The following LIX1 variants were observed in gnomAD, a reference collection of about 807,000 sequenced individuals.
LIX1 encodes the protein protein limb expression 1 homolog.
A neutral mutation model predicts 33.4 loss-of-function variants in LIX1; 24 were observed. The ratio of observed to expected loss-of-function variants is 0.72; its 90% CI spans 0.52 to 1.01. The LOEUF (loss-of-function observed/expected upper bound fraction) is 1.01. Ranked by LOEUF, LIX1 falls within the 50% of genes least tolerant of loss-of-function variation. The pLI, the probability that LIX1 is intolerant of heterozygous loss-of-function variation, is 0.00. For missense variants in LIX1, 311 were observed against 339.2 expected (o/e 0.92, Z 0.65); for synonymous variants, 124 against 124.0 (o/e 1.00, Z 0.00).
intron 2 of LIX1, among the ~76,000 whole-genome samples, chr5:97,124,010 T>C (rs936413015): frequency 1.3e-5 from 2 of 152,202 alleles, no homozygotes; most frequent in Non-Finnish European, 2.9e-5. Flanking sequence ...CAGATACACC[T>C]GGTAACAGGA....
At chr5:97,106,384 T>C (rs977680518) in intron 3 of LIX1, among the ~76,000 whole-genome samples, 5 of 152,204 alleles carry the variant, frequency 3.3e-5, no homozygotes, top group African/African-American at 1.2e-4. Context: ...ATCTCTCCTT[T>C]ATGTGATAAG....
intron 4 of LIX1, among the ~76,000 whole-genome samples, chr5:97,102,790 C>CA (rs1746783423): frequency 6.6e-6 from 1 of 151,020 alleles, no homozygotes; most frequent in Non-Finnish European, 1.5e-5. Context: ...CAATCACATT[C>CA]AAAATCATTC....
At chr5:97,107,233 C>T in intron 3 of LIX1, 127 bp downstream of exon 3, 1 of 896,398 alleles carries the variant, frequency 1.1e-6, no homozygotes, top group East Asian at 2.5e-5. Context: ...ATTAACAATT[C>T]AGTGGGTAAA....
intron 2 of LIX1, among the ~76,000 whole-genome samples, chr5:97,108,454 T>C (rs1017450890): frequency 5.4e-5 from 8 of 148,886 alleles, no homozygotes; most frequent in African/African-American, 7.8e-5. Flanking sequence ...GATTCTTTTC[T>C]GTCCTCCCTG....
Position 97,124,512 on chromosome 5 carries a change from A to G in LIX1, c.200T>C (p.Val67Ala). The change falls in exon 2 of 6, where the codon GTG becomes GCG. Residue 67 changes from valine to alanine, a missense_variant. By Grantham distance (64) the Val-to-Ala change is moderately conservative. Coordinates refer to ENST00000274382, the MANE Select transcript of LIX1 (RefSeq NM_153234.5). Reference sequence around the variant, plus strand: ...TCCCCCTGGGAGGGTCACGTAACTCACAAAGGGAGGCCCAGGAGCTGGCAG... The same window carrying G: ...TCCCCCTGGGAGGGTCACGTAACTCGCAAAGGGAGGCCCAGGAGCTGGCAG... ...ESLPAPGPPF[V>A]SYVTLPGGSC... is the part of the protein sequence containing the mutation. 6.2e-7 allele frequency: 1 copy of G among 1,608,814 alleles called. No homozygotes were observed. The highest frequency in any genetic ancestry group is 2.2e-5 in the East Asian group (1 of 44,652).
At chr5:97,116,570 C>T (rs1211573503) in intron 2 of LIX1, among the ~76,000 whole-genome samples, 1 of 152,146 alleles carries the variant, frequency 6.6e-6, no homozygotes, top group African/African-American at 2.4e-5. Context: ...GCCTTCTCCT[C>T]GTTTACCTCT....
At chr5:97,141,127 A>AT (rs11294778) in intron 1 of LIX1, among the ~76,000 whole-genome samples, 44 of 149,574 alleles carry the variant, frequency 2.9e-4, no homozygotes, top group South Asian at 1.9e-3. Context: ...CGTCCCCCCT[A>AT]TTTTTTTTTT....
chr5:97,116,232 G>C (rs1747632614), intron 2 of LIX1, among the ~76,000 whole-genome samples: 1 of 152,168 alleles, frequency 6.6e-6, no homozygotes, highest in Non-Finnish European at 1.5e-5. Context: ...ACCGAAGCAT[G>C]AACATTTGCA....
rs1580205756 is a variant in LIX1, at chr5:97,101,612, T to C, written c.483+3578A>G. 1.3e-5 allele frequency: 2 copies of C among 152,344 alleles called. 1 individual carries two copies. The highest frequency in any genetic ancestry group is 1.3e-4 in the Admixed American group (2 of 15,308). 9.4% of individuals were successfully genotyped at this position (152,344 alleles called of 1,614,324 possible). ...TCACTCTACAGCTTTCCTGGTTTAT[T>C]TTGTCATTCATTTCATGTAAACAGA... On this transcript the variant is annotated intron_variant, in intron 4 of 5. Transcript: ENST00000274382.
At chr5:97,113,437 A>G (rs560790020) in intron 2 of LIX1, among the ~76,000 whole-genome samples, 5 of 152,242 alleles carry the variant, frequency 3.3e-5, no homozygotes, top group African/African-American at 7.2e-5. Flanking sequence ...AGAAGTCTCA[A>G]TGAAATAATC....
chr5:97,112,772 C>A (rs974012238), intron 2 of LIX1, among the ~76,000 whole-genome samples: 6 of 148,358 alleles, frequency 4.0e-5, no homozygotes, highest in African/African-American at 1.5e-4. Context: ...ATTTCAAAGC[C>A]TCCTGGCTCT....
chr5:97,116,583 C>T lies in LIX1; in HGVS notation c.246+7883G>A, dbSNP rs565410709. On this transcript the variant is annotated intron_variant, in intron 2 of 5. Coordinates refer to ENST00000274382, the MANE Select transcript of LIX1 (RefSeq NM_153234.5). ...TGGCCTTCTCCTCGTTTACCTCTGC[C>T]GCAATGCTATTCTACACACATACCT... is the stretch of plus-strand genomic sequence containing the variant. Among the ~76,000 whole-genome samples the T allele has an allele frequency of 3.3e-5, 5 of 152,250 alleles. No individual in the cohort carries two copies. In the South Asian group the frequency reaches 6.2e-4, roughly 19 times the overall value.
At chr5:97,101,466 T>C (rs1746694509) in intron 4 of LIX1, among the ~76,000 whole-genome samples, 1 of 152,178 alleles carries the variant, frequency 6.6e-6, no homozygotes, top group East Asian at 1.9e-4. Flanking sequence ...TGGATTTTCA[T>C]TTTGCACTGG....
In LIX1 at chr5:97,092,748, T is replaced by G. The variant is rs1449527296; in HGVS notation, c.*2000A>C. The G allele has an allele frequency of 6.6e-6, 1 of 152,354 alleles. No homozygotes were observed. Among genetic ancestry groups the G allele is most frequent in the East Asian group, 1.9e-4 (1 of 5,332 alleles). 9.4% of individuals were successfully genotyped at this position (152,354 alleles called of 1,614,324 possible). Reference sequence around the variant, plus strand: ...GCATCTAATTAAGATGGTGTCAGTTTGAGGAAGTCATTGTCAAAGGCTGCT... The same window carrying G: ...GCATCTAATTAAGATGGTGTCAGTTGGAGGAAGTCATTGTCAAAGGCTGCT... On this transcript the variant is annotated 3_prime_UTR_variant, in exon 6 of 6. Transcript: ENST00000274382.
chr5:97,124,493 TG>T lies in LIX1; in HGVS notation c.218del (p.Pro73GlnfsTer13). The T allele has an allele frequency of 1.2e-6, 2 of 1,607,900 alleles. No individual in the cohort carries two copies. The highest frequency in any genetic ancestry group is 1.7e-6 in the Non-Finnish European group (2 of 1,176,460). On this transcript the variant is annotated frameshift_variant, in exon 2 of 6. Transcript: ENST00000274382. LOFTEE classifies it high-confidence loss of function. ...GPPFVSYVTL[P>X]GGSCFGNFQC... ...GAAAGTTGCCAAAACAGCTTCCCCC[TG>T]GGAGGGTCACGTAACTCACAAAGGG...
At position 97,093,948 on chromosome 5, in the gene LIX1, C is replaced by CA. The variant is rs556746761; in HGVS notation, c.*799dup. On this transcript the variant is annotated 3_prime_UTR_variant, in exon 6 of 6. Transcript: ENST00000274382. ...CTCTGTAGATATATGTTTGCAGTGGCAAAAAATAAGAACAAATTAGTTCAG... is the reference window on the plus strand; with the variant it reads ...CTCTGTAGATATATGTTTGCAGTGGCAAAAAAATAAGAACAAATTAGTTCAG... 1.4e-3 allele frequency: 210 copies of CA among 152,084 alleles called. 1 individual carries two copies. Among genetic ancestry groups the CA allele is most frequent in the Middle Eastern group, 6.8e-3 (2 of 294 alleles). 9.4% of individuals were successfully genotyped at this position (152,084 alleles called of 1,614,324 possible).
At chr5:97,136,913 A>C (rs1170287476) in intron 1 of LIX1, among the ~76,000 whole-genome samples, 1 of 152,070 alleles carries the variant, frequency 6.6e-6, no homozygotes, top group Non-Finnish European at 1.5e-5. Flanking sequence ...CTAAACTTAC[A>C]TGGGCATTTG....
At chr5:97,103,348 T>C (rs2112759118) in intron 4 of LIX1, among the ~76,000 whole-genome samples, 1 of 152,222 alleles carries the variant, frequency 6.6e-6, no homozygotes, top group East Asian at 1.9e-4. Flanking sequence ...GAAATACATC[T>C]AATAATAGTT....
At chr5:97,108,397 G>T (rs995953424) in intron 2 of LIX1, among the ~76,000 whole-genome samples, 1 of 152,154 alleles carries the variant, frequency 6.6e-6, no homozygotes, top group African/African-American at 2.4e-5. Context: ...GCTCCATCCT[G>T]CTAGACTGGC....
Sources: gnomAD v4.1 joint callset for allele counts (sites outside exome capture counted in the v4.1 genomes callset) on GRCh38, gnomAD v4.1.1 for gene constraint, MANE v1.5 for transcripts, NCBI Gene and HGNC (gene_info 2026-07-23, HGNC 2026-07-21) for gene names.